Variants in DIP2C observed in about 807,000 individuals in gnomAD.
DIP2C encodes the protein disco-interacting protein 2 homolog C.
DIP2C carries 33 observed loss-of-function variants against 192.4 expected under a neutral mutation model. That is an observed-to-expected ratio of 0.17 (90% CI 0.13 to 0.23). The LOEUF (loss-of-function observed/expected upper bound fraction) is 0.23, where lower values mean the gene tolerates loss of function less well. DIP2C is among the 10% of genes least tolerant of loss of function. DIP2C has a pLI of 1.00. For missense variants in DIP2C, 1,537 were observed against 2,110.1 expected (o/e 0.73, Z 5.32); for synonymous variants, 979 against 864.1 (o/e 1.13, Z -2.33).
intron 24 of DIP2C, among the ~76,000 whole-genome samples, chr10:354,109 T>A (rs1394675014): frequency 6.6e-6 from 1 of 152,188 alleles, no homozygotes; most frequent in East Asian, 1.9e-4. Flanking sequence ...CAAGCGTGCC[T>A]GCCTCTGTGT....
At chr10:304,850 C>T (rs1165174001) in intron 32 of DIP2C, among the ~76,000 whole-genome samples, 1 of 152,096 alleles carries the variant, frequency 6.6e-6, no homozygotes, top group Non-Finnish European at 1.5e-5. Flanking sequence ...TATACTTGTA[C>T]CACATACAGG....
chr10:520,455 T>C (rs4880704), intron 1 of DIP2C, among the ~76,000 whole-genome samples: 106,658 of 152,248 alleles, frequency 0.7, 41,398 homozygotes, highest in South Asian at 0.86. Context: ...AAATTCTATA[T>C]CCACTGGCTT....
intron 1 of DIP2C, among the ~76,000 whole-genome samples, chr10:507,874 A>G (rs1845732602): frequency 6.6e-6 from 1 of 152,210 alleles, no homozygotes; most frequent in African/African-American, 2.4e-5. Context: ...ACCTGAGGCC[A>G]CCAAGTTTAA....
chr10:382,937 CA>C (rs1962512085), intron 16 of DIP2C, among the ~76,000 whole-genome samples, 176 bp from the exon 17 acceptor site: 1 of 152,194 alleles, frequency 6.6e-6, no homozygotes, highest in South Asian at 2.1e-4. Flanking sequence ...TATTCTCAAA[CA>C]GAACTCAAGA....
intron 1 of DIP2C, among the ~76,000 whole-genome samples, chr10:548,426 G>A (rs994876795): frequency 5.4e-5 from 8 of 147,158 alleles, no homozygotes; most frequent in East Asian, 4.1e-4. Context: ...AGCAGGAGCC[G>A]CGGAGGCCAC....
chr10:369,742 T>C (rs1960735483), intron 17 of DIP2C, 109 bp from the exon 18 acceptor site: 1 of 1,566,656 alleles, frequency 6.4e-7, no homozygotes. Context: ...GGCACAGTGC[T>C]GGCACCCCAG....
intron 10 of DIP2C, among the ~76,000 whole-genome samples, chr10:393,787 A>G (rs536253881): frequency 1.3e-4 from 20 of 148,162 alleles, no homozygotes; most frequent in Admixed American, 4.0e-4. Flanking sequence ...TCAAAAAAAA[A>G]AAAAAAAAAG....
Position 651,670 on chromosome 10 carries a change from A to C in DIP2C, c.85+37824T>G, listed in dbSNP as rs1855914094. On this transcript the variant is annotated intron_variant, in intron 1 of 36. Coordinates refer to ENST00000280886, the MANE Select transcript of DIP2C (RefSeq NM_014974.3). The surrounding 1 kb of genome is among the most constrained non-coding windows in gnomAD (Gnocchi z 4.1). ...TTATTTGAGTGAATTCACGTCCCCC[A>C]AATTTTCCGTATCCCAAAATCTGGA... 8.6e-6 allele frequency: 3 copies of C among 347,488 alleles called. No homozygotes were observed. The highest frequency in any genetic ancestry group is 7.8e-5 in the East Asian group (1 of 12,868). The allele number at this position is 347,488 out of a possible 1,614,324, so 21.5% of individuals were successfully genotyped here.
intron 10 of DIP2C, among the ~76,000 whole-genome samples, chr10:396,357 C>T (rs541570561): frequency 1.8e-4 from 28 of 152,312 alleles, no homozygotes; most frequent in African/African-American, 6.7e-4. Flanking sequence ...CACCTCCCCC[C>T]TTTATCCAAA....
chr10:503,117 C>T (rs1022511186), intron 1 of DIP2C, among the ~76,000 whole-genome samples: 1 of 152,030 alleles, frequency 6.6e-6, no homozygotes, highest in East Asian at 1.9e-4. Flanking sequence ...AACATAAATC[C>T]CGCCAGGACA....
intron 5 of DIP2C, among the ~76,000 whole-genome samples, chr10:422,493 C>CG (rs1269711550): frequency 2.6e-4 from 40 of 152,160 alleles, no homozygotes; most frequent in African/African-American, 9.7e-4. Context: ...ATGACTCCCA[C>CG]GGTCAGGACG....
intron 10 of DIP2C, among the ~76,000 whole-genome samples, chr10:394,342 A>C (rs960507549): frequency 7.7e-5 from 11 of 143,458 alleles, no homozygotes; most frequent in African/African-American, 2.9e-4. Context: ...AACTGGAAGG[A>C]CATTATGGCA....
At chr10:575,193 C>G (rs554274895) in intron 1 of DIP2C, among the ~76,000 whole-genome samples, 1 of 152,204 alleles carries the variant, frequency 6.6e-6, no homozygotes, top group Non-Finnish European at 1.5e-5. Context: ...CCATGCTAAT[C>G]TGAAACATGG....
Position 399,189 on chromosome 10 carries a change from C to A in DIP2C, c.1180G>T (p.Ala394Ser). Residue 394 changes from alanine to serine, a missense_variant, in exon 10 of 37, where the codon GCT becomes TCT. Physicochemically the swap from Ala to Ser is moderately conservative, Grantham distance 99 (BLOSUM62 1). Transcript: ENST00000280886. ...CCGTAGAAAGCCGCCATGAAGGCAG[C>A]CGGATCATTGTTGGGGAACACCAGT... ...VALVFPNNDPAAFMAAFYGCL... is the reference protein window; with the variant it reads ...VALVFPNNDPSAFMAAFYGCL... 2 of 1,614,064 alleles carry A rather than the reference C, an allele frequency of 1.2e-6. No homozygotes were observed. Among genetic ancestry groups the A allele is most frequent in the Non-Finnish European group, 1.7e-6 (2 of 1,180,044 alleles).
chr10:585,442 C>T (rs1284559395), intron 1 of DIP2C, among the ~76,000 whole-genome samples: 2 of 152,152 alleles, frequency 1.3e-5, no homozygotes, highest in Admixed American at 6.5e-5. Context: ...ATGCCTCAAG[C>T]GCTTTTAATA....
At chr10:530,826 C>T (rs1173305922) in intron 1 of DIP2C, among the ~76,000 whole-genome samples, 1 of 152,110 alleles carries the variant, frequency 6.6e-6, no homozygotes, top group Non-Finnish European at 1.5e-5. Context: ...GGAAGGTTGG[C>T]CCCAAAGCCC....
Position 377,515 on chromosome 10 carries a change from G to C in DIP2C, c.1991+5132C>G, listed in dbSNP as rs948072641. On this transcript the variant is annotated intron_variant, in intron 17 of 36. Coordinates refer to ENST00000280886, the MANE Select transcript of DIP2C (RefSeq NM_014974.3). ...TCATCTCGAAACTACTCTGTAGTTA[G>C]AGAATTGCAAAATTTTATCCCTCTT... Among the ~76,000 whole-genome samples, 3 of 152,360 alleles carry C rather than the reference G, an allele frequency of 2.0e-5. No individual in the cohort carries two copies. The East Asian group carries it at 5.8e-4, about 29-fold the overall frequency.
At chr10:567,844 G>A (rs913231655) in intron 1 of DIP2C, among the ~76,000 whole-genome samples, 4 of 152,070 alleles carry the variant, frequency 2.6e-5, no homozygotes, top group African/African-American at 9.7e-5. Context: ...TGGCCAAGCT[G>A]GTCTCGAACT....
intron 1 of DIP2C, among the ~76,000 whole-genome samples, chr10:540,472 T>TC (rs774732041): frequency 6.6e-6 from 1 of 152,156 alleles, no homozygotes; most frequent in East Asian, 1.9e-4. Flanking sequence ...CTTCCTCAAA[T>TC]CTCAAGACAG....
Sources: gnomAD v4.1 joint callset for allele counts (sites outside exome capture counted in the v4.1 genomes callset) on GRCh38, gnomAD v4.1.1 for gene constraint, Gnocchi (gnomAD v3.1) non-coding constraint, MANE v1.5 for transcripts, NCBI Gene and HGNC (gene_info 2026-07-23, HGNC 2026-07-21) for gene names.